RERE: variants seen among roughly 807,000 people sequenced by gnomAD.
The protein encoded by RERE is arginine-glutamic acid dipeptide repeats.
In RERE, 40 loss-of-function variants were observed where a neutral mutation model predicts 146.1. That is an observed-to-expected ratio of 0.27 (90% confidence interval 0.21 to 0.36). The LOEUF is 0.36. Ranked by LOEUF, RERE falls within the 10% of genes least tolerant of loss-of-function variation. The pLI, the probability that RERE is intolerant of heterozygous loss-of-function variation, is 1.00. For missense variants in RERE, 1,933 were observed against 2,138.7 expected, an observed-to-expected ratio of 0.90 and a Z score of 1.90; for synonymous variants, 1,003 against 866.0, an observed-to-expected ratio of 1.16 and a Z score of -2.78.
intron 1 of RERE, among the ~76,000 whole-genome samples, chr1:8,675,489 T>C: frequency 1.3e-5 from 1 of 74,206 alleles, no homozygotes. Flanking sequence ...CAAAACCCCA[T>C]CTCTACAAAA....
intron 4 of RERE, 84 bp downstream of exon 4, chr1:8,614,477 C>T: frequency 7.2e-7 from 1 of 1,381,318 alleles, no homozygotes; most frequent in Non-Finnish European, 9.9e-7. Context: ...TTAAAAGGGG[C>T]TCTGGGGAGG....
chr1:8,405,029 G>C (rs1322242721), intron 12 of RERE, among the ~76,000 whole-genome samples: 1 of 152,198 alleles, frequency 6.6e-6, no homozygotes, highest in Non-Finnish European at 1.5e-5. Context: ...TGGGGCGTGG[G>C]GGAGGGTGAG....
At chr1:8,374,244 G>C (rs1200472725) in intron 12 of RERE, among the ~76,000 whole-genome samples, 1 of 152,240 alleles carries the variant, frequency 6.6e-6, no homozygotes, top group Non-Finnish European at 1.5e-5. Flanking sequence ...AAAGGGAAAG[G>C]AGGGAAGTAC....
At chr1:8,370,128 A>C (rs1641979788) in intron 12 of RERE, among the ~76,000 whole-genome samples, 1 of 151,998 alleles carries the variant, frequency 6.6e-6, no homozygotes, top group Non-Finnish European at 1.5e-5. Flanking sequence ...AAACAACCTA[A>C]ATGCCCACAA....
At chr1:8,403,805 T>G (rs978526656) in intron 12 of RERE, among the ~76,000 whole-genome samples, 11 of 150,322 alleles carry the variant, frequency 7.3e-5, no homozygotes, top group African/African-American at 2.7e-4. Flanking sequence ...CTTTTTCTAT[T>G]TTTCTTAATA....
At chr1:8,380,637 AAGCCTG>A (rs1266488775) in intron 12 of RERE, 6 of 357,654 alleles carry the variant, frequency 1.7e-5, no homozygotes, top group Non-Finnish European at 3.3e-5. Flanking sequence ...GTGAGCCACC[AAGCCTG>A]GCCCATCAAG....
intron 7 of RERE, among the ~76,000 whole-genome samples, chr1:8,516,203 G>A (rs1273757998): frequency 8.5e-6 from 1 of 117,494 alleles, no homozygotes; most frequent in East Asian, 2.3e-4. Flanking sequence ...CCAGCCTGGG[G>A]GACGGAGCAA....
chr1:8,357,533 T>C (rs1641344600), intron 20 of RERE, among the ~76,000 whole-genome samples: 2 of 152,186 alleles, frequency 1.3e-5, no homozygotes, highest in African/African-American at 4.8e-5. Context: ...CCAAGTCCCA[T>C]GGAGCAGGTG....
At chr1:8,449,777 A>G (rs1408074638) in intron 11 of RERE, among the ~76,000 whole-genome samples, 1 of 152,222 alleles carries the variant, frequency 6.6e-6, no homozygotes, top group Admixed American at 6.5e-5. Flanking sequence ...CATGACCACA[A>G]AGATTATTGG....
chr1:8,815,828 A>AG (rs1641900133), intron 1 of RERE, among the ~76,000 whole-genome samples: 3 of 125,384 alleles, frequency 2.4e-5, no homozygotes, highest in Admixed American at 8.4e-5. Context: ...TCAGCTTGGT[A>AG]TTGTGTGTGT....
At chr1:8,809,157 A>AAAAAAAAAAAAAAAAAAAAAAAAAAAAT (rs985140466) in intron 1 of RERE, among the ~76,000 whole-genome samples, 5 of 146,214 alleles carry the variant, frequency 3.4e-5, no homozygotes, top group African/African-American at 1.4e-4. Flanking sequence ...AAAAAAAAAA[A>AAAAAAAAAAAAAAAAAAAAAAAAAAAAT]AAAGTACTGA....
chr1:8,538,055 C>G (rs1645749947), intron 7 of RERE, among the ~76,000 whole-genome samples: 2 of 152,208 alleles, frequency 1.3e-5, no homozygotes, highest in African/African-American at 4.8e-5. Context: ...TCACTTTCAA[C>G]TGCTCACTTA....
intron 1 of RERE, among the ~76,000 whole-genome samples, chr1:8,790,399 A>G (rs1304172507): frequency 6.6e-6 from 1 of 152,216 alleles, no homozygotes; most frequent in Non-Finnish European, 1.5e-5. Context: ...AATCTAATCT[A>G]TTTGATAAAT....
intron 1 of RERE, among the ~76,000 whole-genome samples, chr1:8,691,001 A>G (rs1639194721): frequency 6.6e-6 from 1 of 152,044 alleles, no homozygotes; most frequent in Non-Finnish European, 1.5e-5. Flanking sequence ...AGGTTCAAGC[A>G]GTTCTCCTGC....
chr1:8,472,504 C>G (rs1167440793), intron 10 of RERE, among the ~76,000 whole-genome samples: 2 of 152,176 alleles, frequency 1.3e-5, no homozygotes, highest in Non-Finnish European at 2.9e-5. Flanking sequence ...AAAGAAACAC[C>G]TCTCAAACAT....
At chr1:8,664,228 A>C (rs1570582023) in intron 1 of RERE, among the ~76,000 whole-genome samples, 1 of 151,856 alleles carries the variant, frequency 6.6e-6, no homozygotes, top group Non-Finnish European at 1.5e-5. Flanking sequence ...CTGGCCACAC[A>C]CCCTCCTGGA....
chr1:8,558,698 A>AACAC lies in RERE; in HGVS notation c.523-1179_523-1176dup, dbSNP rs377358609. On this transcript the variant is annotated intron_variant, in intron 4 of 22. Transcript: ENST00000400908. ...AGGTTCCAAAAAACCTTTGCTAAAA[A>AACAC]ACACTTAAAAGCCATTTAAAGAATC... Among the ~76,000 whole-genome samples, 1,142 of 152,332 alleles carry AACAC rather than the reference A, an allele frequency of 7.5e-3. 7 individuals carry two copies. The highest frequency in any genetic ancestry group is 0.013 in the Non-Finnish European group (868 of 68,030).
intron 1 of RERE, among the ~76,000 whole-genome samples, chr1:8,725,894 T>C (rs1483270632): frequency 6.6e-6 from 1 of 152,092 alleles, no homozygotes; most frequent in African/African-American, 2.4e-5. Flanking sequence ...ACACAGACAT[T>C]CACAAATGAG....
At chr1:8,545,135 A>G (rs768927424) in intron 6 of RERE, among the ~76,000 whole-genome samples, 3 of 152,226 alleles carry the variant, frequency 2.0e-5, no homozygotes, top group Non-Finnish European at 4.4e-5. Context: ...GAAAATTGCC[A>G]TCACATCCAC....
Sources: gnomAD v4.1 joint callset for allele counts (sites outside exome capture counted in the v4.1 genomes callset) on GRCh38, gnomAD v4.1.1 for gene constraint, MANE v1.5 for transcripts, NCBI Gene and HGNC (gene_info 2026-07-23, HGNC 2026-07-21) for gene names.